Variants in NLRP2 observed in about 807,000 individuals in gnomAD.
NLRP2 encodes the protein NLR family pyrin domain containing 2.
Under a neutral mutation model 97.2 loss-of-function variants are expected in NLRP2, and 107 were observed. The observed-to-expected ratio is 1.10, with a 90% CI of 0.94 to 1.29. The LOEUF is 1.29. NLRP2 is among the 50% of genes most tolerant of loss of function. NLRP2 has a pLI of 0.00. For missense variants in NLRP2, 1,495 were observed against 1,330.3 expected, an observed-to-expected ratio of 1.12 and a Z score of -1.93; for synonymous variants, 663 against 551.5, an observed-to-expected ratio of 1.20 and a Z score of -2.83.
chr19:54,996,996 C>G (rs539761162), intron 11 of NLRP2, among the ~76,000 whole-genome samples: 1 of 152,258 alleles, frequency 6.6e-6, no homozygotes, highest in African/African-American at 2.4e-5. Flanking sequence ...CAACCTCCGC[C>G]TCCTGGGTTC....
rs537056115 is a variant in NLRP2 at position 54,983,037 on chromosome 19, C to A, written c.1339C>A (p.Leu447Met). 9.9e-6 allele frequency: 16 copies of A among 1,611,092 alleles called. No homozygotes were observed. The highest frequency in any genetic ancestry group is 1.7e-5 in the Admixed American group (1 of 59,922). ...GCAGGGCGCACAGCTGCGGGGCGCG[C>A]TGCGGACGCTGAGCCTCCTGGCCGC... ...FPQGAQLRGA[L>M]RTLSLLAAQG... Residue 447 changes from leucine (L) to methionine (M), a missense_variant, in exon 6 of 13, where the codon CTG becomes ATG. Leu to Met is a conservative substitution (Grantham distance 15). Transcript: ENST00000448584.
intron 12 of NLRP2, among the ~76,000 whole-genome samples, chr19:55,000,548 GA>G (rs1295034148): frequency 1.3e-4 from 20 of 149,126 alleles, no homozygotes; most frequent in East Asian, 1.0e-3. Context: ...AAAGTGCTGG[GA>G]ATTACAGGCG....
chr19:54,984,485 C>CTTTTTTTTTTTTTTTTTTTTTTTTTTTT lies in NLRP2; in HGVS notation c.2031-547_2031-546insTTTTTTTTTTTTTTTTTTTTTTTTTTTT, dbSNP rs36061621. Among the ~76,000 whole-genome samples, 263 of 76,872 alleles carry CTTTTTTTTTTTTTTTTTTTTTTTTTTTT rather than the reference C, an allele frequency of 3.4e-3. 53 individuals carry two copies. Among genetic ancestry groups the CTTTTTTTTTTTTTTTTTTTTTTTTTTTT allele is most frequent in the African/African-American group, 5.7e-3 (76 of 13,224 alleles). 50.4% of individuals were successfully genotyped at this position (76,872 alleles called of 152,430 possible). ...ATGTATAGATATGTATATTCCCAAT[C>CTTTTTTTTTTTTTTTTTTTTTTTTTTTT]TTTTTTTTTTTTTTTGAGACGGAGT... On this transcript the variant is annotated intron_variant, in intron 6 of 12. Transcript: ENST00000448584.
In NLRP2 at chr19:54,983,598, G is replaced by T. The variant is rs769305078; in HGVS notation, c.1900G>T (p.Ala634Ser). The change falls in exon 6 of 13, where the codon GCA becomes TCA. Residue 634 changes from alanine to serine, a missense_variant. Transcript: ENST00000448584. ...QFKEISLHLN[A>S]VDVVPSSFCV... The stretch of plus-strand genomic sequence containing the variant: ...CAAAGAAATATCCCTGCACTTAAAT[G>T]CAGTAGACGTTGTGCCATCTTCATT... 6 of 1,614,018 alleles carry T rather than the reference G, an allele frequency of 3.7e-6. No individual in the cohort carries two copies. The highest frequency in any genetic ancestry group is 1.3e-5 in the African/African-American group (1 of 74,938).
chr19:54,992,147 C>T (rs1314916233), intron 10 of NLRP2, among the ~76,000 whole-genome samples: 1 of 151,774 alleles, frequency 6.6e-6, no homozygotes, highest in East Asian at 2.0e-4. Context: ...GAACTGACCT[C>T]ATGATCCGCC....
In NLRP2 at chr19:54,983,160, A is replaced by T. The variant is rs764229799; in HGVS notation, c.1462A>T (p.Ile488Phe). 6.2e-7 allele frequency: 1 copy of T among 1,613,452 alleles called. No individual in the cohort carries two copies. The highest frequency in any genetic ancestry group is 1.1e-5 in the South Asian group (1 of 91,072). ...CCTCCGTCTGTTCCTGGACGGAGAC[A>T]TCCTCCGCCAGGACAGAGTCTCCAA... ...SDLRLFLDGDILRQDRVSKGC... is the reference protein window; with the variant it reads ...SDLRLFLDGDFLRQDRVSKGC... Residue 488 changes from isoleucine (I) to phenylalanine (F), a missense_variant, in exon 6 of 13, where the codon ATC becomes TTC. Transcript: ENST00000448584.
chr19:54,992,644 A>C (rs1187217142), intron 10 of NLRP2, among the ~76,000 whole-genome samples: 4 of 144,110 alleles, frequency 2.8e-5, no homozygotes, highest in Non-Finnish European at 4.5e-5. Flanking sequence ...AGCTCACTGC[A>C]ACCTCCACCT....
chr19:54,967,650 A>G (rs2070547869), intron 1 of NLRP2, among the ~76,000 whole-genome samples: 1 of 151,990 alleles, frequency 6.6e-6, no homozygotes, highest in African/African-American at 2.4e-5. Context: ...CTCCAAAAAA[A>G]AAAATATATT....
chr19:54,991,752 C>G (rs139845656), intron 10 of NLRP2, among the ~76,000 whole-genome samples: 5 of 150,518 alleles, frequency 3.3e-5, no homozygotes, highest in African/African-American at 9.8e-5. Flanking sequence ...TCCTGTAATC[C>G]CAGCTACTTG....
At chr19:54,967,288 G>T (rs561511104) in intron 1 of NLRP2, among the ~76,000 whole-genome samples, 1 of 152,206 alleles carries the variant, frequency 6.6e-6, no homozygotes, top group Non-Finnish European at 1.5e-5. Context: ...TTCGAGACCA[G>T]CCTGACCAAC....
intron 12 of NLRP2, 131 bp from the exon 13 acceptor site, chr19:55,000,629 T>C: frequency 1.1e-6 from 1 of 911,122 alleles, no homozygotes; most frequent in Admixed American, 2.2e-5. Flanking sequence ...GAACACTCCT[T>C]TGCCACCTAG....
At chr19:54,996,103 A>C (rs35607067) in intron 11 of NLRP2, among the ~76,000 whole-genome samples, 21,525 of 150,380 alleles carry the variant, frequency 0.14, 2,161 homozygotes, top group Non-Finnish European at 0.21. Flanking sequence ...CGTGTAGAGG[A>C]GCAAAAAGTT....
At chr19:54,983,845 G>C in intron 6 of NLRP2, 117 bp downstream of exon 6, 1 of 1,416,238 alleles carries the variant, frequency 7.1e-7, no homozygotes, top group Non-Finnish European at 9.8e-7. Flanking sequence ...CCCTCTTGTT[G>C]GACTCTTTGT....
In NLRP2 at chr19:54,974,545, G is replaced by T. The variant is rs1456214630; in HGVS notation, c.325+1G>T. 5.0e-6 allele frequency: 8 copies of T among 1,586,256 alleles called. No individual in the cohort carries two copies. Among genetic ancestry groups the T allele is most frequent in the Non-Finnish European group, 6.1e-6 (7 of 1,154,776 alleles). Reference sequence around the variant, plus strand: ...AATAAAAGGAAGCCTCTATCATTAGGTAAGTTACCTCATTTATAACTTTTA... The same window carrying T: ...AATAAAAGGAAGCCTCTATCATTAGTTAAGTTACCTCATTTATAACTTTTA... On this transcript the variant is annotated splice_donor_variant, in intron 3 of 12. Coordinates refer to ENST00000448584, the MANE Select transcript of NLRP2 (RefSeq NM_017852.5). LOFTEE classifies it high-confidence loss of function.
intron 2 of NLRP2, chr19:54,973,679 T>G: frequency 2.7e-6 from 1 of 370,128 alleles, no homozygotes; most frequent in Non-Finnish European, 5.3e-6. Context: ...CGGCCAAGGG[T>G]TTTTAACTTT....
chr19:55,000,571 GC>G (rs2073128805), intron 12 of NLRP2, among the ~76,000 whole-genome samples, 188 bp from the exon 13 acceptor site: 1 of 145,100 alleles, frequency 6.9e-6, no homozygotes, highest in Non-Finnish European at 1.5e-5. Flanking sequence ...GAGCCATCAC[GC>G]CCCACCTGAG....
chr19:54,969,568 CTGTT>C (rs2070712744), intron 1 of NLRP2, among the ~76,000 whole-genome samples: 1 of 151,762 alleles, frequency 6.6e-6, no homozygotes, highest in African/African-American at 2.4e-5. Flanking sequence ...GGCAGGAGAA[CTGTT>C]TGAACCTGGG....
chr19:54,996,036 T>TCAAAAAA (rs1334714028), intron 11 of NLRP2, among the ~76,000 whole-genome samples: 4 of 63,728 alleles, frequency 6.3e-5, no homozygotes, highest in African/African-American at 2.4e-4. Context: ...AGATCCTGTC[T>TCAAAAAA]CAAAAAAAAA....
rs1278769807 is a variant in NLRP2, at chr19:54,982,999, G to A, written c.1301G>A (p.Cys434Tyr). ...TRTGLFLRFL[C>Y]SRFPQGAQLR... ...ACGGGGCTGTTCCTGCGTTTCCTCT[G>A]CAGCCGGTTCCCGCAGGGCGCACAG... is the stretch of plus-strand genomic sequence containing the variant. The change falls in exon 6 of 13, where the codon TGC (cysteine) becomes TAC (tyrosine). Residue 434 changes from cysteine to tyrosine, a missense_variant. Physicochemically the swap from Cys to Tyr is radical, Grantham distance 194. Coordinates refer to ENST00000448584, the MANE Select transcript of NLRP2 (RefSeq NM_017852.5). 7 of 1,610,590 alleles carry A rather than the reference G, an allele frequency of 4.3e-6. No individual in the cohort carries two copies. Among genetic ancestry groups the A allele is most frequent in the African/African-American group, 1.3e-5 (1 of 74,834 alleles).
Sources: gnomAD v4.1 joint callset for allele counts (sites outside exome capture counted in the v4.1 genomes callset) on GRCh38, gnomAD v4.1.1 for gene constraint, MANE v1.5 for transcripts, NCBI Gene and HGNC (gene_info 2026-07-23, HGNC 2026-07-21) for gene names.